Variants in BRIP1 observed in about 807,000 individuals in gnomAD.
BRIP1 encodes Fanconi anemia group J protein.
Under a neutral mutation model 119.7 loss-of-function variants are expected in BRIP1, and 88 were observed. That is an observed-to-expected ratio of 0.74 (90% CI 0.62 to 0.88). BRIP1 has a LOEUF of 0.88. BRIP1 is among the 40% of genes least tolerant of loss of function. The probability of loss-of-function intolerance (pLI) is 0.00; values close to 1 mark genes in which losing one functional copy is unlikely to be tolerated. For missense variants in BRIP1, 1,259 were observed against 1,455.4 expected, an observed-to-expected ratio of 0.87 and a Z score of 2.20; for synonymous variants, 443 against 496.5, an observed-to-expected ratio of 0.89 and a Z score of 1.43.
chr17:61,850,156 G>T (rs1470080729), intron 4 of BRIP1, among the ~76,000 whole-genome samples: 1 of 147,226 alleles, frequency 6.8e-6, no homozygotes, highest in Non-Finnish European at 1.5e-5. Flanking sequence ...AGGCTGAAGT[G>T]CAATGGTGTG....
At position 61,826,717 on chromosome 17, in the gene BRIP1, C is replaced by T. The variant is rs779429943; in HGVS notation, c.628-17960G>A. On this transcript the variant is annotated intron_variant, in intron 6 of 19. Coordinates refer to ENST00000259008, the MANE Select transcript of BRIP1 (RefSeq NM_032043.3). ...TACCATCTCACACCAGTCAGAATGGCTATTATTAAAAAGTAAAAAAAAAAA... is the reference window on the plus strand; with the variant it reads ...TACCATCTCACACCAGTCAGAATGGTTATTATTAAAAAGTAAAAAAAAAAA... Among the ~76,000 whole-genome samples, 134 of 111,518 alleles carry T rather than the reference C, an allele frequency of 1.2e-3. 1 individual carries two copies. The highest frequency in any genetic ancestry group is 1.6e-3 in the Non-Finnish European group (92 of 58,940). The allele number at this position is 111,518 out of a possible 152,430, so 73.2% of individuals were successfully genotyped here.
At chr17:61,800,438 A>C (rs2077973240) in intron 8 of BRIP1, among the ~76,000 whole-genome samples, 1 of 152,198 alleles carries the variant, frequency 6.6e-6, no homozygotes. Flanking sequence ...TAGAGTAAAG[A>C]ACAAGGTATC....
rs1164779603 is a variant in BRIP1, at chr17:61,808,693, T to TGA, written c.691_692insTC (p.Asn231IlefsTer44). 1 of 1,613,982 alleles carries TGA rather than the reference T, an allele frequency of 6.2e-7. No homozygotes were observed. The highest frequency in any genetic ancestry group is 1.7e-5 in the Admixed American group (1 of 60,028). ...CCCTGTATGATCCTTCTTAATGGTA[T>TGA]TCGATGACTCTTGACTGTTTCCTTG... On this transcript the variant is annotated frameshift_variant, in exon 7 of 20. Transcript: ENST00000259008. LOFTEE classifies it high-confidence loss of function. This position sits in a 1 kb window ranked among gnomAD's most constrained non-coding sequence, Gnocchi z 4.1.
At chr17:61,812,662 T>C (rs1240677128) in intron 6 of BRIP1, among the ~76,000 whole-genome samples, 1 of 151,440 alleles carries the variant, frequency 6.6e-6, no homozygotes, top group African/African-American at 2.4e-5. Context: ...CCATGTGCAG[T>C]AGCCAATTGT....
chr17:61,805,188 A>ATT lies in BRIP1; in HGVS notation c.918+3278_918+3279insAA, dbSNP rs1298148705. Among the ~76,000 whole-genome samples the ATT allele has an allele frequency of 2.6e-5, 4 of 152,186 alleles. No homozygotes were observed. Among genetic ancestry groups the ATT allele is most frequent in the Non-Finnish European group, 5.9e-5 (4 of 68,032 alleles). ...CAAATGTATCTAGATATTGCTAGAA[A>ATT]CAAAGTAAACCATAAGAGATTCATA... On this transcript the variant is annotated intron_variant, in intron 7 of 19. Coordinates refer to ENST00000259008, the MANE Select transcript of BRIP1 (RefSeq NM_032043.3). This position sits in a 1 kb window ranked among gnomAD's most constrained non-coding sequence, Gnocchi z 5.6.
In BRIP1 at chr17:61,806,623, A is replaced by ACTGT. The variant is rs2078077111; in HGVS notation, c.918+1840_918+1843dup. ...AGGATTCTAGGTTACACAAAATGAA[A>ACTGT]CTGTCTGCCTTCAATACACAATCTT... On this transcript the variant is annotated intron_variant, in intron 7 of 19. Coordinates refer to ENST00000259008, the MANE Select transcript of BRIP1 (RefSeq NM_032043.3). The surrounding 1 kb of genome is among the most constrained non-coding windows in gnomAD (Gnocchi z 4.9). 6.6e-6 allele frequency among the ~76,000 whole-genome samples: 1 copy of ACTGT among 152,140 alleles called. No homozygotes were observed. The highest frequency in any genetic ancestry group is 2.4e-5 in the African/African-American group (1 of 41,438).
rs2078895640 is a variant in BRIP1 at position 61,856,303 on chromosome 17, TA to T, written c.379+754del. 6.6e-6 allele frequency among the ~76,000 whole-genome samples: 1 copy of T among 152,200 alleles called. No individual in the cohort carries two copies. The highest frequency in any genetic ancestry group is 2.1e-4 in the South Asian group (1 of 4,830). The stretch of plus-strand genomic sequence containing the variant: ...GAAATGGATACTCTTTGTTTTGACT[TA>T]AGTCAATCATGGCAACCTCTGTCTC... On this transcript the variant is annotated intron_variant, in intron 4 of 19. Transcript: ENST00000259008. This position sits in a 1 kb window ranked among gnomAD's most constrained non-coding sequence, Gnocchi z 5.1.
At chr17:61,694,460 A>G (rs1567738632) in intron 17 of BRIP1, among the ~76,000 whole-genome samples, 2 of 152,124 alleles carry the variant, frequency 1.3e-5, no homozygotes, top group Non-Finnish European at 2.9e-5. Context: ...TTTGGCTAGT[A>G]TGAATAATGC....
At chr17:61,835,097 T>C (rs1192671493) in intron 6 of BRIP1, among the ~76,000 whole-genome samples, 1 of 152,212 alleles carries the variant, frequency 6.6e-6, no homozygotes, top group Admixed American at 6.5e-5. Context: ...GTACACATTT[T>C]GGTGGTTCCC....
chr17:61,760,832 A>G lies in BRIP1; in HGVS notation c.2097+15569T>C, dbSNP rs1482023518. Among the ~76,000 whole-genome samples the G allele has an allele frequency of 6.6e-6, 1 of 152,044 alleles. No homozygotes were observed. The highest frequency in any genetic ancestry group is 1.5e-5 in the Non-Finnish European group (1 of 67,906). ...CTGAATTCTACCTAACAGTTAAAGA[A>G]CTAATACCAATCATTCTCAAATGCT... On this transcript the variant is annotated intron_variant, in intron 14 of 19. Transcript: ENST00000259008. This position sits in a 1 kb window ranked among gnomAD's most constrained non-coding sequence, Gnocchi z 4.6.
At chr17:61,820,174 AATT>A (rs1361909046) in intron 6 of BRIP1, among the ~76,000 whole-genome samples, 1 of 152,220 alleles carries the variant, frequency 6.6e-6, no homozygotes, top group Non-Finnish European at 1.5e-5. Flanking sequence ...ACATCAAAAT[AATT>A]TACAGTTGAA....
In BRIP1 at chr17:61,708,423, T is replaced by C. The variant is rs1188447917; in HGVS notation, c.2492+7528A>G. The stretch of plus-strand genomic sequence containing the variant: ...TCTTGGTTATCAGATAGAAAAAACA[T>C]AGTATACGTAGAGTTTGGTACTATC... On this transcript the variant is annotated intron_variant, in intron 17 of 19. Coordinates refer to ENST00000259008, the MANE Select transcript of BRIP1 (RefSeq NM_032043.3). This position sits in a 1 kb window ranked among gnomAD's most constrained non-coding sequence, Gnocchi z 4.4. Among the ~76,000 whole-genome samples the C allele has an allele frequency of 1.3e-5, 2 of 152,132 alleles. No individual in the cohort carries two copies. Among genetic ancestry groups the C allele is most frequent in the African/African-American group, 4.8e-5 (2 of 41,420 alleles).
rs1287538931 is a variant in BRIP1 at position 61,765,379 on chromosome 17, TTATATA to T, written c.2097+11016_2097+11021del. ...ATGTGTGTGTGTGTGTGTGTATATATTATATATATATATATATATATATATATATAT... is the reference window on the plus strand; with the variant it reads ...ATGTGTGTGTGTGTGTGTGTATATATTATATATATATATATATATATATAT... On this transcript the variant is annotated intron_variant, in intron 14 of 19. Coordinates refer to ENST00000259008, the MANE Select transcript of BRIP1 (RefSeq NM_032043.3). Among the ~76,000 whole-genome samples the T allele has an allele frequency of 4.4e-3, 167 of 37,682 alleles. 2 individuals are homozygous for T. The highest frequency in any genetic ancestry group is 5.1e-3 in the Non-Finnish European group (112 of 22,106). 24.7% of individuals were successfully genotyped at this position (37,682 alleles called of 152,430 possible). A position where few individuals can be genotyped will look rare whatever the true frequency, so the allele number is the denominator to read the frequency against.
At chr17:61,697,801 AT>A (rs2061552774) in intron 17 of BRIP1, among the ~76,000 whole-genome samples, 1 of 151,006 alleles carries the variant, frequency 6.6e-6, no homozygotes, top group Non-Finnish European at 1.5e-5. Flanking sequence ...TAAAATACAG[AT>A]GTTTACAGTA....
Position 61,759,358 on chromosome 17 carries a change from T to C in BRIP1, c.2098-14767A>G, listed in dbSNP as rs1603310298. On this transcript the variant is annotated intron_variant, in intron 14 of 19. Coordinates refer to ENST00000259008, the MANE Select transcript of BRIP1 (RefSeq NM_032043.3). The surrounding 1 kb of genome is among the most constrained non-coding windows in gnomAD (Gnocchi z 4.9). ...ACATTATTTAACAAAAAAAGGTCAA[T>C]TCATCAAGAGGATATAACAATTGTA... Among the ~76,000 whole-genome samples, 2 of 152,164 alleles carry C rather than the reference T, an allele frequency of 1.3e-5. No homozygotes were observed. Among genetic ancestry groups the C allele is most frequent in the South Asian group, 4.1e-4 (2 of 4,828 alleles).
chr17:61,796,343 G>A lies in BRIP1; in HGVS notation c.1341-2614C>T, dbSNP rs985278077. ...AAGTTGTTCCCCAGACCGATGTCCTGGAGAGTTTTTCCAATGTTTTCTGGT... is the reference window on the plus strand; with the variant it reads ...AAGTTGTTCCCCAGACCGATGTCCTAGAGAGTTTTTCCAATGTTTTCTGGT... On this transcript the variant is annotated intron_variant, in intron 9 of 19. Coordinates refer to ENST00000259008, the MANE Select transcript of BRIP1 (RefSeq NM_032043.3). The surrounding 1 kb of genome is among the most constrained non-coding windows in gnomAD (Gnocchi z 4.8). 6.6e-6 allele frequency among the ~76,000 whole-genome samples: 1 copy of A among 152,050 alleles called. No homozygotes were observed. Among genetic ancestry groups the A allele is most frequent in the African/African-American group, 2.4e-5 (1 of 41,424 alleles).
intron 6 of BRIP1, among the ~76,000 whole-genome samples, chr17:61,835,841 T>C (rs1196491261): frequency 6.6e-6 from 1 of 152,156 alleles, no homozygotes; most frequent in African/African-American, 2.4e-5. Flanking sequence ...TGGGAAAATA[T>C]GCAATTAGAG....
At chr17:61,763,466 C>T (rs2077307336) in intron 14 of BRIP1, among the ~76,000 whole-genome samples, 1 of 152,042 alleles carries the variant, frequency 6.6e-6, no homozygotes. Flanking sequence ...TCCTTGATGA[C>T]TTTTTTCCTT....
In BRIP1 at chr17:61,734,904, T is replaced by A. The variant is rs903002196; in HGVS notation, c.2379+8109A>T. Among the ~76,000 whole-genome samples the A allele has an allele frequency of 1.3e-5, 2 of 152,218 alleles. No homozygotes were observed. Among genetic ancestry groups the A allele is most frequent in the African/African-American group, 4.8e-5 (2 of 41,456 alleles). On this transcript the variant is annotated intron_variant, in intron 16 of 19. Transcript: ENST00000259008. This position sits in a 1 kb window ranked among gnomAD's most constrained non-coding sequence, Gnocchi z 5.2. ...TCTGACTCAATGATCTTAACCTTTT[T>A]AAATATGAAGTCAAATGAAATAGAC...
Sources: allele counts gnomAD v4.1 joint callset (sites outside exome capture counted in the v4.1 genomes callset), GRCh38; gene constraint gnomAD v4.1.1; non-coding constraint Gnocchi (gnomAD v3.1); transcripts MANE v1.5; gene names NCBI Gene and HGNC (gene_info 2026-07-23, HGNC 2026-07-21).